The following NCOA2 variants were observed in gnomAD, a reference collection of about 807,000 sequenced individuals.
NCOA2 encodes class E basic helix-loop-helix protein 75.
A neutral mutation model predicts 145.1 loss-of-function variants in NCOA2; 21 were observed. That is an observed-to-expected ratio of 0.14 (90% CI 0.10 to 0.21). The LOEUF is 0.21. Among genes scored for constraint, NCOA2 ranks in the 10% least tolerant of loss-of-function variants. The pLI is 1.00. For synonymous variants in NCOA2, 619 were observed against 637.5 expected, an observed-to-expected ratio of 0.97 and a Z score of 0.44; for missense variants, 1,472 against 1,837.6, an observed-to-expected ratio of 0.80 and a Z score of 3.64.
intron 2 of NCOA2, among the ~76,000 whole-genome samples, chr8:70,232,894 T>TACACACACACACACACACACACAC (rs1821259384): frequency 8.1e-4 from 13 of 15,970 alleles, no homozygotes; most frequent in Middle Eastern, 0.033. Context: ...CACACACACG[T>TACACACACACACACACACACACAC]GCGTAGATAT....
At chr8:70,233,673 G>A (rs151253232) in intron 2 of NCOA2, among the ~76,000 whole-genome samples, 9 of 152,192 alleles carry the variant, frequency 5.9e-5, no homozygotes, top group African/African-American at 1.7e-4. Flanking sequence ...CACCCCTTCC[G>A]TGGTTCCTCC....
At chr8:70,323,318 A>C (rs766695409) in intron 1 of NCOA2, among the ~76,000 whole-genome samples, 11 of 152,250 alleles carry the variant, frequency 7.2e-5, no homozygotes, top group Admixed American at 2.6e-4. Context: ...GGCTAGCTAA[A>C]GTTGATTTTG....
chr8:70,441,781 AGAGAAAGAAAGAAAG>A, the NCOA2 span, among the ~76,000 whole-genome samples: 1 of 30,756 alleles, frequency 3.3e-5, no homozygotes, highest in Non-Finnish European at 6.5e-5. Context: ...AAAAGAAAGA[AGAGAAAGAAAGAAAG>A]AAAGAAAGAA....
At chr8:70,299,517 A>G (rs912688840) in intron 1 of NCOA2, among the ~76,000 whole-genome samples, 16 of 152,222 alleles carry the variant, frequency 1.1e-4, no homozygotes, top group African/African-American at 3.9e-4. Flanking sequence ...TTATTTTTAA[A>G]TGGGCAACAT....
intron 12 of NCOA2, among the ~76,000 whole-genome samples, 200 bp from the exon 13 acceptor site, chr8:70,145,048 T>C (rs767807491): frequency 2.0e-5 from 3 of 152,228 alleles, no homozygotes; most frequent in Non-Finnish European, 2.9e-5. Context: ...TCAACTGGTC[T>C]CTAATTCTTG....
intron 13 of NCOA2, 98 bp downstream of exon 13, chr8:70,144,544 A>AAAAGTTC (rs1490502049): frequency 2.0e-6 from 2 of 982,288 alleles, no homozygotes; most frequent in Admixed American, 4.6e-5. Context: ...TTCTAACATA[A>AAAAGTTC]AAAGTTCACT....
intron 15 of NCOA2, among the ~76,000 whole-genome samples, chr8:70,135,354 C>T (rs917937145): frequency 3.9e-5 from 6 of 152,156 alleles, no homozygotes; most frequent in South Asian, 2.1e-4. Flanking sequence ...CATGCTCACA[C>T]GGGGCAAGCA....
chr8:70,138,866 T>C (rs913799927), intron 14 of NCOA2, among the ~76,000 whole-genome samples: 1 of 152,294 alleles, frequency 6.6e-6, no homozygotes, highest in Non-Finnish European at 1.5e-5. Context: ...TTCTGTGATA[T>C]CATATAGCAT....
chr8:70,137,736 G>A (rs929297516), intron 15 of NCOA2, among the ~76,000 whole-genome samples: 1 of 152,198 alleles, frequency 6.6e-6, no homozygotes, highest in South Asian at 2.1e-4. Flanking sequence ...AGTTTGGGAC[G>A]AGCCACACCG....
intron 2 of NCOA2, among the ~76,000 whole-genome samples, chr8:70,243,509 A>G (rs949611363): frequency 3.3e-5 from 5 of 152,070 alleles, no homozygotes; most frequent in African/African-American, 1.2e-4. Context: ...GCTTGTAATA[A>G]TAATAGGTGC....
At chr8:70,229,689 A>C (rs938244428) in intron 2 of NCOA2, among the ~76,000 whole-genome samples, 1 of 152,300 alleles carries the variant, frequency 6.6e-6, no homozygotes, top group Admixed American at 6.5e-5. Flanking sequence ...TACCTGAGCC[A>C]GCACGACCCC....
At chr8:70,240,604 T>C (rs1822042164) in intron 2 of NCOA2, among the ~76,000 whole-genome samples, 1 of 152,208 alleles carries the variant, frequency 6.6e-6, no homozygotes, top group South Asian at 2.1e-4. Flanking sequence ...AAGGCTGTGA[T>C]GTGCCTTATG....
In NCOA2 at chr8:70,384,824, T is replaced by C. The variant is rs150934196; in HGVS notation, c.-77+18876A>G. Reference sequence around the variant, plus strand: ...CACAGGAATGTAACAGGGACAGGAATGTTGGTAAGCCAAATGATACATCAG... The same window carrying C: ...CACAGGAATGTAACAGGGACAGGAACGTTGGTAAGCCAAATGATACATCAG... On this transcript the variant is annotated intron_variant, in intron 1 of 22. Transcript: ENST00000452400. Among the ~76,000 whole-genome samples, 1,094 of 152,298 alleles carry C rather than the reference T, an allele frequency of 7.2e-3. 9 individuals are homozygous for C. The highest frequency in any genetic ancestry group is 0.012 in the Non-Finnish European group (798 of 68,026).
intron 1 of NCOA2, among the ~76,000 whole-genome samples, chr8:70,400,053 T>C (rs1384939198): frequency 2.6e-5 from 4 of 152,216 alleles, no homozygotes; most frequent in African/African-American, 9.6e-5. Context: ...GCATTACCCC[T>C]TTATCCACAG....
At chr8:70,361,091 T>C (rs572617886) in intron 1 of NCOA2, among the ~76,000 whole-genome samples, 79 of 152,306 alleles carry the variant, frequency 5.2e-4, no homozygotes, top group African/African-American at 1.9e-3. Context: ...AAATCCACCA[T>C]TGCTAATAAC....
Position 70,324,021 on chromosome 8 carries a change from G to A in NCOA2, c.-76-27221C>T, listed in dbSNP as rs60616395. On this transcript the variant is annotated intron_variant, in intron 1 of 22. Coordinates refer to ENST00000452400, the MANE Select transcript of NCOA2 (RefSeq NM_006540.4). ...CCCACATACCACCTTAACTGGTTCT[G>A]CTACTAGTTTTTCTCTCCCTCTGAA... Among the ~76,000 whole-genome samples, 574 of 152,192 alleles carry A rather than the reference G, an allele frequency of 3.8e-3. 8 individuals are homozygous for A. The highest frequency in any genetic ancestry group is 0.013 in the African/African-American group (558 of 41,512).
At position 70,183,261 on chromosome 8, in the gene NCOA2, C is replaced by T. The variant is rs1360823927; in HGVS notation, c.260-8402G>A. Among the ~76,000 whole-genome samples the T allele has an allele frequency of 2.0e-5, 3 of 151,984 alleles. No individual in the cohort carries two copies. The East Asian group carries it at 5.8e-4, about 29-fold the overall frequency. On this transcript the variant is annotated intron_variant, in intron 4 of 22. Transcript: ENST00000452400. The stretch of plus-strand genomic sequence containing the variant: ...AAGAAATGAGAAGTGAGGTGAGGCT[C>T]GAAGTCATCACTTATTCAGAAGATT...
upstream of NCOA2, among the ~76,000 whole-genome samples, chr8:70,405,863 C>G (rs540473248): frequency 6.6e-6 from 1 of 152,110 alleles, no homozygotes; most frequent in African/African-American, 2.4e-5. Flanking sequence ...AAACGTCTTA[C>G]GACGGCTGAA....
intron 16 of NCOA2, among the ~76,000 whole-genome samples, chr8:70,131,488 C>T (rs879290992): frequency 3.3e-5 from 5 of 152,168 alleles, no homozygotes; most frequent in East Asian, 1.9e-4. Flanking sequence ...CAGGGGGAAG[C>T]GTTCTAGGTC....
Sources: gnomAD v4.1 joint callset for allele counts (sites outside exome capture counted in the v4.1 genomes callset) on GRCh38, gnomAD v4.1.1 for gene constraint, MANE v1.5 for transcripts, NCBI Gene and HGNC (gene_info 2026-07-23, HGNC 2026-07-21) for gene names.